The following PGM5 variants were observed in gnomAD, a reference collection of about 807,000 sequenced individuals.
PGM5 encodes phosphoglucomutase-like protein 5.
PGM5 carries 23 observed loss-of-function variants against 59.2 expected under a neutral mutation model. The ratio of observed to expected loss-of-function variants is 0.39; its 90% CI spans 0.28 to 0.55. PGM5 has a LOEUF of 0.55. Ranked by LOEUF, PGM5 falls within the 20% of genes least tolerant of loss-of-function variation. The probability of loss-of-function intolerance (pLI) is 0.66; values close to 1 mark genes in which losing one functional copy is unlikely to be tolerated. For synonymous variants in PGM5, 214 were observed against 286.0 expected (o/e 0.75, Z 2.54); for missense variants, 574 against 748.3 (o/e 0.77, Z 2.72).
intron 9 of PGM5, among the ~76,000 whole-genome samples, chr9:68,492,824 G>A (rs1052615518): frequency 2.6e-4 from 39 of 152,240 alleles, no homozygotes; most frequent in African/African-American, 8.2e-4. Flanking sequence ...GGAAAGATAC[G>A]TCTGTTCAAT....
In PGM5 at chr9:68,420,172, G is replaced by A. The variant is rs1451571350; in HGVS notation, c.1043+27699G>A. Among the ~76,000 whole-genome samples the A allele has an allele frequency of 4.6e-5, 7 of 152,136 alleles. No homozygotes were observed. The East Asian group carries it at 5.8e-4, about 13-fold the overall frequency. On this transcript the variant is annotated intron_variant, in intron 6 of 10. Transcript: ENST00000396396. Reference sequence around the variant, plus strand: ...GCTCAGCTCTCCCTCTGGGGGCTCCGAAGACCCTAGAGTTATGTTCCTCCC... The same window carrying A: ...GCTCAGCTCTCCCTCTGGGGGCTCCAAAGACCCTAGAGTTATGTTCCTCCC...
intron 7 of PGM5, among the ~76,000 whole-genome samples, chr9:68,473,844 G>A (rs1195009092): frequency 6.6e-6 from 1 of 152,100 alleles, no homozygotes; most frequent in Admixed American, 6.6e-5. Flanking sequence ...GATGAAAATG[G>A]CAAGGAGAAA....
chr9:68,483,183 C>T (rs145943768), intron 8 of PGM5, among the ~76,000 whole-genome samples: 6 of 152,106 alleles, frequency 3.9e-5, no homozygotes, highest in Non-Finnish European at 7.3e-5. Flanking sequence ...CTGGAGCTCA[C>T]GTTCTGGTGG....
At chr9:68,381,633 T>TACACTC in intron 2 of PGM5, among the ~76,000 whole-genome samples, 1 of 130,026 alleles carries the variant, frequency 7.7e-6, no homozygotes, top group African/African-American at 4.0e-5. Context: ...CTAAAGATTC[T>TACACTC]ACACATGCAC....
chr9:68,455,300 C>T (rs938796361), intron 6 of PGM5, among the ~76,000 whole-genome samples: 23 of 152,190 alleles, frequency 1.5e-4, no homozygotes, highest in African/African-American at 5.1e-4. Context: ...CTGCTCAGGG[C>T]ATCTCCGCCT....
intron 9 of PGM5, among the ~76,000 whole-genome samples, chr9:68,492,921 T>TCCAGATAAA (rs1824420855): frequency 6.6e-6 from 1 of 152,226 alleles, no homozygotes. Flanking sequence ...CTTGACGCTT[T>TCCAGATAAA]CCAGATAAAT....
intron 6 of PGM5, among the ~76,000 whole-genome samples, chr9:68,418,331 C>G (rs1554682133): frequency 6.6e-6 from 1 of 152,130 alleles, no homozygotes; most frequent in Non-Finnish European, 1.5e-5. Context: ...GGGTTTCTGT[C>G]ACCTCCCATT....
At chr9:68,388,984 A>G (rs1173330886) in intron 4 of PGM5, among the ~76,000 whole-genome samples, 1 of 151,946 alleles carries the variant, frequency 6.6e-6, no homozygotes, top group Non-Finnish European at 1.5e-5. Flanking sequence ...TTGAATTACT[A>G]TTTAGTAACC....
chr9:68,439,257 TG>T, intron 6 of PGM5, among the ~76,000 whole-genome samples: 1 of 151,772 alleles, frequency 6.6e-6, no homozygotes, highest in Non-Finnish European at 1.5e-5. Flanking sequence ...CCCAGCTACT[TG>T]GGAGGCTGTG....
intron 6 of PGM5, among the ~76,000 whole-genome samples, chr9:68,410,191 T>A (rs453521): frequency 0.54 from 82,785 of 152,066 alleles, 22,776 homozygotes; most frequent in Non-Finnish European, 0.58. Flanking sequence ...TTAAGGAGAT[T>A]CATGGAAGTG....
chr9:68,486,582 G>T (rs983470661), intron 9 of PGM5, among the ~76,000 whole-genome samples: 4 of 152,040 alleles, frequency 2.6e-5, no homozygotes, highest in Non-Finnish European at 4.4e-5. Context: ...TATTTTCAGG[G>T]TTCATCCACT....
At chr9:68,480,064 G>A (rs1257683202) in intron 8 of PGM5, among the ~76,000 whole-genome samples, 1 of 152,164 alleles carries the variant, frequency 6.6e-6, no homozygotes, top group African/African-American at 2.4e-5. Context: ...TTCCCCTGAT[G>A]ACATCACTCT....
chr9:68,433,348 AT>A (rs1353782213), intron 6 of PGM5, among the ~76,000 whole-genome samples: 2 of 152,218 alleles, frequency 1.3e-5, no homozygotes, highest in Non-Finnish European at 2.9e-5. Flanking sequence ...TTACAAATTG[AT>A]TTGCCCAATT....
Position 68,397,905 on chromosome 9 carries a change from A to G in PGM5, c.1043+5432A>G, listed in dbSNP as rs557595559. On this transcript the variant is annotated intron_variant, in intron 6 of 10. Transcript: ENST00000396396. ...ACACTTATTCCTCAGAAGGTAGTCT[A>G]CAGCTATTTGTTGCCAATCCCCAAT... The G allele has an allele frequency of 1.5e-4, 23 of 152,400 alleles. No individual in the cohort carries two copies. The East Asian group carries it at 4.2e-3, about 28-fold the overall frequency. 9.4% of individuals were successfully genotyped at this position (152,400 alleles called of 1,614,324 possible).
At chr9:68,490,850 A>G (rs1554687822) in intron 9 of PGM5, among the ~76,000 whole-genome samples, 3 of 152,224 alleles carry the variant, frequency 2.0e-5, no homozygotes, top group Non-Finnish European at 2.9e-5. Flanking sequence ...GAAAATTAGC[A>G]TACCCACAAA....
At chr9:68,400,081 T>C (rs1214167604) in intron 6 of PGM5, among the ~76,000 whole-genome samples, 3 of 152,184 alleles carry the variant, frequency 2.0e-5, no homozygotes, top group Non-Finnish European at 4.4e-5. Context: ...ACTATTGTAA[T>C]AGTCAATAAA....
At chr9:68,447,508 G>T (rs537484557) in intron 6 of PGM5, among the ~76,000 whole-genome samples, 1 of 152,186 alleles carries the variant, frequency 6.6e-6, no homozygotes, top group Admixed American at 6.5e-5. Context: ...ACCTCTCTGA[G>T]TCTCAATATC....
chr9:68,444,521 C>A (rs1823581002), intron 6 of PGM5, among the ~76,000 whole-genome samples: 1 of 152,174 alleles, frequency 6.6e-6, no homozygotes, highest in Admixed American at 6.5e-5. Flanking sequence ...TATGTATGGG[C>A]AATCTCTCCA....
chr9:68,427,367 A>G (rs1823255266), intron 6 of PGM5, among the ~76,000 whole-genome samples: 1 of 152,200 alleles, frequency 6.6e-6, no homozygotes, highest in Non-Finnish European at 1.5e-5. Flanking sequence ...TTATTTGACA[A>G]CCATATCCTG....
Sources: gnomAD v4.1 joint callset for allele counts (sites outside exome capture counted in the v4.1 genomes callset) on GRCh38, gnomAD v4.1.1 for gene constraint, MANE v1.5 for transcripts, NCBI Gene and HGNC (gene_info 2026-07-23, HGNC 2026-07-21) for gene names.